KIAA1217: variants seen among roughly 807,000 people sequenced by gnomAD.
KIAA1217 encodes the protein sickle tail protein homolog.
In KIAA1217, 88 loss-of-function variants were observed where a neutral mutation model predicts 163.9. That is an observed-to-expected ratio of 0.54 (90% CI 0.45 to 0.64). KIAA1217 has a LOEUF of 0.64. Among genes scored for constraint, KIAA1217 ranks in the 30% least tolerant of loss-of-function variants. KIAA1217 has a pLI of 0.00. For missense variants in KIAA1217, 2,372 were observed against 2,475.0 expected, an observed-to-expected ratio of 0.96 and a Z score of 0.88; for synonymous variants, 903 against 923.1, an observed-to-expected ratio of 0.98 and a Z score of 0.39.
intron 6 of KIAA1217, among the ~76,000 whole-genome samples, chr10:24,485,719 G>A (rs1299359410): frequency 6.6e-6 from 1 of 152,198 alleles, no homozygotes; most frequent in East Asian, 1.9e-4. Flanking sequence ...AGGTTATAAT[G>A]TGCTTCGCTA....
At chr10:23,710,910 C>A (rs2130734646) in intron 1 of KIAA1217, among the ~76,000 whole-genome samples, 1 of 152,302 alleles carries the variant, frequency 6.6e-6, no homozygotes, top group South Asian at 2.1e-4. Context: ...ACCAATGAAG[C>A]AAGATTGCTA....
intron 2 of KIAA1217, among the ~76,000 whole-genome samples, chr10:24,126,182 GCTCT>G (rs1222687619): frequency 1.3e-5 from 2 of 151,978 alleles, no homozygotes; most frequent in South Asian, 2.1e-4. Context: ...TTTGTTTTAT[GCTCT>G]CTGTTTCTTA....
intron 1 of KIAA1217, among the ~76,000 whole-genome samples, chr10:23,860,814 A>T (rs1169175615): frequency 6.6e-6 from 1 of 152,002 alleles, no homozygotes; most frequent in Non-Finnish European, 1.5e-5. Context: ...TTCCTGTGTT[A>T]TACAGAGATC....
At chr10:23,939,200 T>C (rs981690264) in intron 1 of KIAA1217, among the ~76,000 whole-genome samples, 9 of 151,850 alleles carry the variant, frequency 5.9e-5, no homozygotes, top group African/African-American at 1.9e-4. Flanking sequence ...CAAAAAGCAA[T>C]TGGAACAAGT....
chr10:23,860,949 T>A (rs1212068736), intron 1 of KIAA1217, among the ~76,000 whole-genome samples: 1 of 151,946 alleles, frequency 6.6e-6, no homozygotes. Context: ...AATCTTGCTC[T>A]GTTACCCAGG....
chr10:24,003,928 C>G lies in KIAA1217; in HGVS notation c.-320-3297C>G, dbSNP rs1846869363. 2.0e-5 allele frequency among the ~76,000 whole-genome samples: 3 copies of G among 152,264 alleles called. No individual in the cohort carries two copies. The South Asian group carries it at 6.2e-4, about 32-fold the overall frequency. On this transcript the variant is annotated intron_variant, in intron 1 of 18. Coordinates refer to the KIAA1217 transcript ENST00000376462. ...ACCCTCTCTTCCAAAGTCTTACGAACTGGGTAGCAACATCCAAAATATTTC... is the reference window on the plus strand; with the variant it reads ...ACCCTCTCTTCCAAAGTCTTACGAAGTGGGTAGCAACATCCAAAATATTTC...
At chr10:24,257,246 T>C (rs1296390298) in intron 2 of KIAA1217, among the ~76,000 whole-genome samples, 1 of 152,144 alleles carries the variant, frequency 6.6e-6, no homozygotes, top group African/African-American at 2.4e-5. Context: ...TAAAAAACTT[T>C]GGTGTATTGG....
intron 5 of KIAA1217, among the ~76,000 whole-genome samples, chr10:24,458,765 C>G (rs2062054547): frequency 6.6e-6 from 1 of 152,100 alleles, no homozygotes; most frequent in African/African-American, 2.4e-5. Context: ...ATTTTCTTCC[C>G]TATTTCCATC....
At chr10:24,157,852 G>A (rs987317636) in intron 2 of KIAA1217, 3 of 537,650 alleles carry the variant, frequency 5.6e-6, no homozygotes, top group South Asian at 2.9e-5. Context: ...CCTTTGCCAT[G>A]GAACTCCAGG....
intron 1 of KIAA1217, among the ~76,000 whole-genome samples, chr10:23,956,945 A>G (rs1214940651): frequency 2.0e-5 from 3 of 152,054 alleles, no homozygotes; most frequent in African/African-American, 7.2e-5. Context: ...TCACCATGAA[A>G]TTTGGAGGGG....
intron 1 of KIAA1217, among the ~76,000 whole-genome samples, chr10:23,739,309 C>T (rs1838977976): frequency 6.6e-6 from 1 of 152,108 alleles, no homozygotes; most frequent in African/African-American, 2.4e-5. Flanking sequence ...GTGATCGATA[C>T]ACTAAAAGCC....
intron 3 of KIAA1217, among the ~76,000 whole-genome samples, chr10:24,411,683 T>C (rs899325058): frequency 3.9e-5 from 6 of 152,154 alleles, no homozygotes; most frequent in Admixed American, 3.3e-4. Flanking sequence ...TCTATTATAT[T>C]TGCAAGTATC....
At chr10:24,515,951 G>C (rs1314172887) in intron 10 of KIAA1217, among the ~76,000 whole-genome samples, 1 of 152,198 alleles carries the variant, frequency 6.6e-6, no homozygotes, top group Non-Finnish European at 1.5e-5. Context: ...TGCCTCTGTA[G>C]TCTCAGCTAC....
chr10:23,969,408 A>G (rs1292929652), intron 1 of KIAA1217, among the ~76,000 whole-genome samples: 1 of 152,232 alleles, frequency 6.6e-6, no homozygotes, highest in African/African-American at 2.4e-5. Context: ...TTACAGTCCC[A>G]TCACAATGCA....
chr10:24,026,849 T>C (rs1460009131), intron 2 of KIAA1217, among the ~76,000 whole-genome samples: 1 of 151,586 alleles, frequency 6.6e-6, no homozygotes, highest in African/African-American at 2.4e-5. Context: ...AGACTTTTCT[T>C]ATTTTCTAGC....
chr10:23,807,143 T>C (rs1331897340), intron 1 of KIAA1217, among the ~76,000 whole-genome samples: 1 of 152,262 alleles, frequency 6.6e-6, no homozygotes, highest in Non-Finnish European at 1.5e-5. Context: ...GGTATGAAGC[T>C]CAGCGATTCA....
At chr10:23,917,768 GT>G (rs2131283748) in intron 1 of KIAA1217, among the ~76,000 whole-genome samples, 1 of 152,304 alleles carries the variant, frequency 6.6e-6, no homozygotes, top group African/African-American at 2.4e-5. Flanking sequence ...CACATCCTAT[GT>G]GCTAAGTATG....
intron 1 of KIAA1217, among the ~76,000 whole-genome samples, chr10:23,702,991 G>T (rs909926270): frequency 1.3e-5 from 2 of 151,982 alleles, no homozygotes; most frequent in Admixed American, 1.3e-4. Context: ...CTCCCAAAGC[G>T]CTTCTGGTTG....
chr10:23,951,467 A>C (rs987990425), intron 1 of KIAA1217, among the ~76,000 whole-genome samples: 2 of 152,176 alleles, frequency 1.3e-5, no homozygotes, highest in African/African-American at 4.8e-5. Context: ...CAGCCTGGGC[A>C]ACATGGCAAA....
Sources: gnomAD v4.1 joint callset for allele counts (sites outside exome capture counted in the v4.1 genomes callset) on GRCh38, gnomAD v4.1.1 for gene constraint, MANE v1.5 for transcripts, NCBI Gene and HGNC (gene_info 2026-07-23, HGNC 2026-07-21) for gene names.